ARFGEF3: variants seen among roughly 807,000 people sequenced by gnomAD.
ARFGEF3 encodes ARFGEF family member 3, also known as brefeldin A-inhibited guanine nucleotide-exchange protein 3.
A neutral mutation model predicts 221.7 loss-of-function variants in ARFGEF3; 96 were observed. The ratio of observed to expected loss-of-function variants is 0.43; its 90% CI spans 0.37 to 0.51. ARFGEF3 has a LOEUF of 0.51. Among genes scored for constraint, ARFGEF3 ranks in the 20% least tolerant of loss-of-function variants. The pLI is 0.00. For synonymous variants in ARFGEF3, 1,145 were observed against 1,126.8 expected (o/e 1.02, Z -0.32); for missense variants, 2,410 against 2,789.9 (o/e 0.86, Z 3.07).
intron 1 of ARFGEF3, among the ~76,000 whole-genome samples, chr6:138,165,166 G>A (rs1776699867): frequency 6.7e-6 from 1 of 149,742 alleles, no homozygotes; most frequent in Non-Finnish European, 1.5e-5. Context: ...AGACCCTCAT[G>A]AGAGAGAGAG....
At chr6:138,308,968 C>A in intron 24 of ARFGEF3, 107 bp downstream of exon 24, 2 of 1,345,160 alleles carry the variant, frequency 1.5e-6, no homozygotes, top group Non-Finnish European at 2.1e-6. Flanking sequence ...AGCACGCATC[C>A]TGGGGTACAA....
At chr6:138,277,959 A>G (rs1051717020) in intron 12 of ARFGEF3, among the ~76,000 whole-genome samples, 2 of 152,318 alleles carry the variant, frequency 1.3e-5, no homozygotes, top group African/African-American at 2.4e-5. Context: ...AGATCCTGAG[A>G]TCATTCTAGG....
intron 27 of ARFGEF3, among the ~76,000 whole-genome samples, chr6:138,317,592 A>G (rs910700181): frequency 2.0e-5 from 3 of 152,200 alleles, no homozygotes; most frequent in African/African-American, 7.2e-5. Flanking sequence ...AAGTCTGGTT[A>G]CAAGTATCGT....
chr6:138,233,383 G>T (rs1030409657), intron 5 of ARFGEF3, among the ~76,000 whole-genome samples: 4 of 151,788 alleles, frequency 2.6e-5, no homozygotes, highest in Admixed American at 6.6e-5. Context: ...ATACTTTTTT[G>T]GGGGGTGGGG....
chr6:138,309,376 G>A (rs9376340), intron 24 of ARFGEF3, among the ~76,000 whole-genome samples: 20,756 of 152,038 alleles, frequency 0.14, 1,910 homozygotes, highest in East Asian at 0.45. Context: ...AAAATCATCT[G>A]GGTAGTTTCT....
Position 138,209,927 on chromosome 6 carries a change from G to A in ARFGEF3, c.237G>A (p.Glu79=). Residue 79 remains glutamate, a synonymous_variant, in exon 4 of 34, where the codon GAG becomes GAA. Coordinates refer to ENST00000251691, the MANE Select transcript of ARFGEF3 (RefSeq NM_020340.5). ...CTTTACAGAAGCTTCTGTCGGAAGA[G>A]AGGTTTGTATCCATGGAAACAGATT... ...LAGMQKLLSE[E]RFVSMETDSD... 6.2e-7 allele frequency: 1 copy of A among 1,613,744 alleles called. No homozygotes were observed. Among genetic ancestry groups the A allele is most frequent in the Non-Finnish European group, 8.5e-7 (1 of 1,179,712 alleles).
At chr6:138,311,159 T>C (rs2114665860) in intron 24 of ARFGEF3, among the ~76,000 whole-genome samples, 1 of 152,310 alleles carries the variant, frequency 6.6e-6, no homozygotes, top group South Asian at 2.1e-4. Context: ...TTACCAACCA[T>C]ATAATCTCAA....
intron 17 of ARFGEF3, among the ~76,000 whole-genome samples, chr6:138,287,812 T>G (rs1779324683): frequency 2.0e-5 from 3 of 152,146 alleles, no homozygotes. Context: ...GTGTAACTAC[T>G]ATCAGATATG....
intron 2 of ARFGEF3, among the ~76,000 whole-genome samples, chr6:138,184,058 C>A (rs539001832): frequency 6.6e-6 from 1 of 152,156 alleles, no homozygotes; most frequent in African/African-American, 2.4e-5. Context: ...TTCTCAAACT[C>A]TTTGGTCTCA....
At chr6:138,290,401 A>T (rs980225508) in intron 18 of ARFGEF3, among the ~76,000 whole-genome samples, 2 of 152,262 alleles carry the variant, frequency 1.3e-5, no homozygotes, top group Non-Finnish European at 2.9e-5. Context: ...AAAATACAAG[A>T]TACCTACTTT....
At chr6:138,216,555 G>GT (rs1777866291) in intron 4 of ARFGEF3, 1 of 152,164 alleles carries the variant, frequency 6.6e-6, no homozygotes, top group African/African-American at 2.4e-5. Flanking sequence ...CACTTGGGAA[G>GT]TTTCTTCAGA....
chr6:138,239,666 AAAAAG>A (rs1248381258), intron 6 of ARFGEF3, among the ~76,000 whole-genome samples: 4 of 151,644 alleles, frequency 2.6e-5, no homozygotes, highest in Non-Finnish European at 5.9e-5. Flanking sequence ...AAAAAAAAAA[AAAAAG>A]AAAGAAAATC....
At chr6:138,323,164 G>C (rs140687458) in intron 29 of ARFGEF3, among the ~76,000 whole-genome samples, 9 of 152,262 alleles carry the variant, frequency 5.9e-5, no homozygotes, top group African/African-American at 1.9e-4. Context: ...GAGGGGATCC[G>C]TTGATATTTC....
chr6:138,278,568 C>T lies in ARFGEF3; in HGVS notation c.2246C>T (p.Ser749Phe), dbSNP rs1027090264. Residue 749 changes from serine to phenylalanine, a missense_variant, in exon 13 of 34, where the codon TCC (serine) becomes TTC (phenylalanine). Ser to Phe is a radical substitution (Grantham distance 155, BLOSUM62 -2). Coordinates refer to ENST00000251691, the MANE Select transcript of ARFGEF3 (RefSeq NM_020340.5). ...GCCCTGCTCCTCAACCTGAAGCTCT[C>T]CCACGGTGACTACTACAGGAAGCGG... ...HCALLLNLKL[S>F]HGDYYRKRPT... 4.3e-6 allele frequency: 7 copies of T among 1,613,858 alleles called. No homozygotes were observed. The highest frequency in any genetic ancestry group is 5.9e-6 in the Non-Finnish European group (7 of 1,179,906).
chr6:138,248,614 C>T (rs1351559064), intron 8 of ARFGEF3, among the ~76,000 whole-genome samples: 1 of 152,062 alleles, frequency 6.6e-6, no homozygotes, highest in Non-Finnish European at 1.5e-5. Context: ...AGCTAGAGGT[C>T]AGGAGTTCGA....
At chr6:138,233,096 A>G (rs536793174) in intron 5 of ARFGEF3, among the ~76,000 whole-genome samples, 4 of 152,208 alleles carry the variant, frequency 2.6e-5, no homozygotes, top group Non-Finnish European at 5.9e-5. Flanking sequence ...TCAAGTGTTT[A>G]TTCATTTCAT....
chr6:138,331,050 A>G (rs1279375329), intron 32 of ARFGEF3, among the ~76,000 whole-genome samples: 1 of 152,176 alleles, frequency 6.6e-6, no homozygotes, highest in African/African-American at 2.4e-5. Context: ...CATTCAGCCA[A>G]TTATTCTTGC....
At chr6:138,229,951 C>A (rs1488821296) in intron 5 of ARFGEF3, 99 bp downstream of exon 5, 1 of 969,082 alleles carries the variant, frequency 1.0e-6, no homozygotes. Context: ...TGGAGTGAAT[C>A]CTTCTCTGAT....
intron 5 of ARFGEF3, among the ~76,000 whole-genome samples, chr6:138,236,415 A>G (rs1020295634): frequency 2.0e-5 from 3 of 152,252 alleles, no homozygotes; most frequent in African/African-American, 7.2e-5. Context: ...CACTGCACTC[A>G]TTTAGATGTA....
Sources: gnomAD v4.1 joint callset for allele counts (sites outside exome capture counted in the v4.1 genomes callset) on GRCh38, gnomAD v4.1.1 for gene constraint, MANE v1.5 for transcripts, NCBI Gene and HGNC (gene_info 2026-07-23, HGNC 2026-07-21) for gene names.